The following TNNT2 variants were observed in gnomAD, a reference collection of about 807,000 sequenced individuals.
The protein encoded by TNNT2 is troponin T, cardiac muscle.
A neutral mutation model predicts 62.4 loss-of-function variants in TNNT2; 34 were observed. The ratio of observed to expected loss-of-function variants is 0.54; its 90% CI spans 0.41 to 0.72. TNNT2 has a LOEUF of 0.72. Among genes scored for constraint, TNNT2 ranks in the 30% least tolerant of loss-of-function variants. TNNT2 has a pLI of 0.00. For missense variants in TNNT2, 275 were observed against 381.9 expected (o/e 0.72, Z 2.33); for synonymous variants, 123 against 127.2 (o/e 0.97, Z 0.22).
intron 1 of TNNT2, among the ~76,000 whole-genome samples, chr1:201,376,546 A>G (rs370107272): frequency 4.3e-4 from 66 of 152,250 alleles, no homozygotes; most frequent in African/African-American, 1.4e-3. Flanking sequence ...GGTCAGAAAT[A>G]GGAGGCAGCC....
chr1:201,374,424 T>G (rs1461255402), intron 1 of TNNT2: 1 of 152,208 alleles, frequency 6.6e-6, no homozygotes, highest in Non-Finnish European at 1.5e-5. Context: ...CTCTGTCTCA[T>G]GGAGATAAAG....
intron 13 of TNNT2, 153 bp downstream of exon 13, chr1:201,362,233 T>C (rs1658804548): frequency 7.3e-7 from 1 of 1,371,048 alleles, no homozygotes; most frequent in Non-Finnish European, 1.0e-6. Context: ...TCTTCCTTCT[T>C]TGCCTAACTA....
intron 11 of TNNT2, chr1:201,363,953 C>A (rs1366783795): frequency 6.0e-6 from 2 of 335,022 alleles, no homozygotes; most frequent in African/African-American, 2.1e-5. Context: ...AATGGCATGA[C>A]CTCGGCTCAC....
intron 5 of TNNT2, among the ~76,000 whole-genome samples, chr1:201,368,615 A>G: frequency 6.6e-6 from 1 of 152,208 alleles, no homozygotes; most frequent in East Asian, 1.9e-4. Context: ...AAACCAAAAG[A>G]GTACGACTGT....
intron 4 of TNNT2, 55 bp from the exon 5 acceptor site, chr1:201,369,900 G>C (rs1021867726): frequency 4.3e-6 from 7 of 1,610,568 alleles, no homozygotes; most frequent in Non-Finnish European, 5.1e-6. Flanking sequence ...GGTTAGTCTG[G>C]GAGCAGAGAG....
intron 15 of TNNT2, 101 bp downstream of exon 15, chr1:201,361,178 T>C (rs1658552068): frequency 1.8e-6 from 2 of 1,141,992 alleles, no homozygotes; most frequent in Admixed American, 1.7e-5. Flanking sequence ...TGTTGGGGAA[T>C]AGGGACAGGG....
At chr1:201,361,529 G>A (rs551888582) in intron 14 of TNNT2, among the ~76,000 whole-genome samples, 160 bp from the exon 15 acceptor site, 2 of 152,302 alleles carry the variant, frequency 1.3e-5, no homozygotes, top group East Asian at 1.9e-4. Flanking sequence ...CCCAGCCTGG[G>A]GACCAGACGG....
At chr1:201,363,749 G>A in intron 11 of TNNT2, 1 of 409,916 alleles carries the variant, frequency 2.4e-6, no homozygotes, top group African/African-American at 2.0e-5. Flanking sequence ...CACTGGGGAA[G>A]GGATGAGGGC....
chr1:201,365,221 C>A lies in TNNT2; in HGVS notation c.381G>T (p.Glu127Asp). Reference sequence around the variant, plus strand: ...TGTCTTTGAGAGAAACGAGCTCCTCCTCCTCTTTCTTCCTGTTCTCAAAGT... The same window carrying A: ...TGTCTTTGAGAGAAACGAGCTCCTCATCCTCTTTCTTCCTGTTCTCAAAGT... ...EAHFENRKKE[E>D]EELVSLKDRI... Residue 127 changes from glutamate (E) to aspartate (D), a missense_variant, in exon 10 of 17, where the codon GAG becomes GAT. Transcript: ENST00000656932. The A allele has an allele frequency of 2.5e-6, 4 of 1,614,148 alleles. No homozygotes were observed. The highest frequency in any genetic ancestry group is 3.4e-6 in the Non-Finnish European group (4 of 1,179,986).
At chr1:201,362,775 A>T (rs61819993) in intron 12 of TNNT2, among the ~76,000 whole-genome samples, 12,206 of 152,246 alleles carry the variant, frequency 0.08, 513 homozygotes, top group Non-Finnish European at 0.099. Flanking sequence ...GGGGCACAAA[A>T]GTTAGGGATC....
At chr1:201,371,654 C>T (rs1268078291) in intron 4 of TNNT2, among the ~76,000 whole-genome samples, 2 of 150,838 alleles carry the variant, frequency 1.3e-5, no homozygotes, top group African/African-American at 4.9e-5. Context: ...AGAAGACTGG[C>T]CCTAAGATGA....
rs917942614 is a variant in TNNT2, at chr1:201,359,676, T to A, written c.811-13A>T. On this transcript the variant is annotated splice_polypyrimidine_tract_variant and intron_variant, in intron 15 of 16. Transcript: ENST00000656932. ...GGAGAACATTGATCTGCAAGAAAAG[T>A]GGGAAGGACAAAGAGCAACGCTGGA... The A allele has an allele frequency of 6.3e-7, 1 of 1,583,364 alleles. No homozygotes were observed. The highest frequency in any genetic ancestry group is 8.6e-7 in the Non-Finnish European group (1 of 1,162,452).
Position 201,359,640 on chromosome 1 carries a change from G to A in TNNT2, c.834C>T (p.Ile278=), listed in dbSNP as rs1278830616. Residue 278 remains isoleucine, a synonymous_variant, in exon 16 of 17, where the codon ATC becomes ATT. Coordinates refer to ENST00000656932, the MANE Select transcript of TNNT2 (RefSeq NM_001276345.2). ...ACACTTACACTTTCTGGTTATCGTTGATCCTGTTTCGGAGAACATTGATCT... is the reference window on the plus strand; with the variant it reads ...ACACTTACACTTTCTGGTTATCGTTAATCCTGTTTCGGAGAACATTGATCT... ...KYEINVLRNR[I]NDNQKVSKTR... 1.3e-6 allele frequency: 2 copies of A among 1,598,108 alleles called. No individual in the cohort carries two copies. The highest frequency in any genetic ancestry group is 1.7e-5 in the Admixed American group (1 of 58,430).
At chr1:201,377,509 T>G in intron 1 of TNNT2, 114 bp downstream of exon 1, 1 of 456,120 alleles carries the variant, frequency 2.2e-6, no homozygotes, top group South Asian at 1.5e-5. Context: ...GGAGGGGCCA[T>G]GGACTTCTGC....
At chr1:201,365,571 C>A (rs1408635197) in intron 9 of TNNT2, 39 bp downstream of exon 9, 2 of 1,604,750 alleles carry the variant, frequency 1.2e-6, no homozygotes. Context: ...TTGGGACTAT[C>A]CCCAGCCCAG....
chr1:201,362,575 G>T (rs1658881235), intron 12 of TNNT2, among the ~76,000 whole-genome samples, 181 bp from the exon 13 acceptor site: 1 of 152,196 alleles, frequency 6.6e-6, no homozygotes, highest in Non-Finnish European at 1.5e-5. Flanking sequence ...GGGCTGTTCG[G>T]TAGCATGAAG....
chr1:201,369,891 G>A (rs747410238), intron 4 of TNNT2, 46 bp from the exon 5 acceptor site: 2 of 1,613,204 alleles, frequency 1.2e-6, no homozygotes, highest in Non-Finnish European at 8.5e-7. Context: ...AGCGAGACAG[G>A]TTAGTCTGGG....
intron 16 of TNNT2, 137 bp from the exon 17 acceptor site, chr1:201,359,392 C>T: frequency 8.6e-7 from 1 of 1,169,108 alleles, no homozygotes; most frequent in South Asian, 1.3e-5. Flanking sequence ...AGGACAGCAG[C>T]CTGAGGCTGG....
chr1:201,367,231 C>T, intron 7 of TNNT2: 1 of 427,174 alleles, frequency 2.3e-6, no homozygotes. Context: ...GAATCCCCTC[C>T]CAGGTCTTTG....
Sources: gnomAD v4.1 joint callset for allele counts (sites outside exome capture counted in the v4.1 genomes callset) on GRCh38, gnomAD v4.1.1 for gene constraint, MANE v1.5 for transcripts, NCBI Gene and HGNC (gene_info 2026-07-23, HGNC 2026-07-21) for gene names.